TCF4: variants seen among roughly 807,000 people sequenced by gnomAD.
TCF4 encodes SL3-3 enhancer factor 2.
Under a neutral mutation model 82.1 loss-of-function variants are expected in TCF4, and 3 were observed. That is an observed-to-expected ratio of 0.04 (90% CI 0.02 to 0.09). The LOEUF is 0.09. Among genes scored for constraint, TCF4 ranks in the 10% least tolerant of loss-of-function variants. The pLI is 1.00. For missense variants in TCF4, 518 were observed against 852.7 expected, an observed-to-expected ratio of 0.61 and a Z score of 4.89; for synonymous variants, 276 against 309.6, an observed-to-expected ratio of 0.89 and a Z score of 1.14.
intron 6 of TCF4, among the ~76,000 whole-genome samples, chr18:55,376,929 C>A (rs1211016918): frequency 2.0e-5 from 3 of 152,196 alleles, no homozygotes; most frequent in Admixed American, 2.0e-4. Flanking sequence ...AAAATTTCAG[C>A]AGGAACTTGC....
intron 3 of TCF4, chr18:55,551,856 G>A (rs1488577277): frequency 2.6e-5 from 4 of 152,252 alleles, no homozygotes; most frequent in Admixed American, 1.3e-4. Context: ...AAGGAAAAGA[G>A]AGAAAAACAA....
At chr18:55,523,048 T>C (rs1336239313) in intron 3 of TCF4, among the ~76,000 whole-genome samples, 1 of 152,082 alleles carries the variant, frequency 6.6e-6, no homozygotes, top group Non-Finnish European at 1.5e-5. Flanking sequence ...AAAACAGTTA[T>C]GAAAATTTTA....
chr18:55,502,498 G>C (rs1429111367), intron 3 of TCF4, among the ~76,000 whole-genome samples: 2 of 152,072 alleles, frequency 1.3e-5, no homozygotes, highest in Non-Finnish European at 2.9e-5. Flanking sequence ...ATCATCCTTG[G>C]TAACTACATA....
At chr18:55,234,007 G>A (rs960911341) in intron 16 of TCF4, among the ~76,000 whole-genome samples, 9 of 151,824 alleles carry the variant, frequency 5.9e-5, no homozygotes, top group African/African-American at 1.9e-4. Flanking sequence ...TTATCTAAGC[G>A]ACTCCTAGTC....
At chr18:55,316,805 G>C (rs776811414) in intron 8 of TCF4, among the ~76,000 whole-genome samples, 1 of 151,988 alleles carries the variant, frequency 6.6e-6, no homozygotes, top group Non-Finnish European at 1.5e-5. Context: ...CTATGCCAAT[G>C]TCCTTTCTCC....
rs1165700493 is a variant in TCF4 at position 55,567,670 on chromosome 18, G to A, written c.145+17610C>T. On this transcript the variant is annotated intron_variant, in intron 3 of 19. Transcript: ENST00000354452. ...TGAGGTTGCAGTGAGCCGAGATCGC[G>A]CCACTGCACTCCAGCCTGGGAGACA... Among the ~76,000 whole-genome samples, 5 of 151,652 alleles carry A rather than the reference G, an allele frequency of 3.3e-5. No individual in the cohort carries two copies. In the East Asian group the frequency reaches 7.8e-4, roughly 24 times the overall value.
chr18:55,258,593 A>C (rs1412116761), intron 13 of TCF4, among the ~76,000 whole-genome samples: 1 of 152,198 alleles, frequency 6.6e-6, no homozygotes, highest in East Asian at 1.9e-4. Flanking sequence ...TCTCATCTGT[A>C]AAATCAGGGT....
chr18:55,276,501 G>A (rs780284407), intron 9 of TCF4, among the ~76,000 whole-genome samples: 1 of 151,986 alleles, frequency 6.6e-6, no homozygotes, highest in Non-Finnish European at 1.5e-5. Context: ...TTCAACATAA[G>A]GTTAACCTTT....
intron 11 of TCF4, among the ~76,000 whole-genome samples, chr18:55,262,942 G>A (rs181765789): frequency 3.3e-5 from 5 of 152,180 alleles, no homozygotes; most frequent in Admixed American, 3.3e-4. Context: ...GAGTAGCTAG[G>A]ATTACAGGCA....
intron 8 of TCF4, among the ~76,000 whole-genome samples, chr18:55,313,450 C>A (rs1415594653): frequency 6.6e-6 from 1 of 151,998 alleles, no homozygotes; most frequent in East Asian, 1.9e-4. Context: ...CTCAAACTAG[C>A]CACTGGATGG....
At chr18:55,415,160 C>T (rs2094481672) in intron 5 of TCF4, among the ~76,000 whole-genome samples, 1 of 152,026 alleles carries the variant, frequency 6.6e-6, no homozygotes, top group Non-Finnish European at 1.5e-5. Context: ...TATGGTTAAT[C>T]GTGATATACA....
At chr18:55,501,244 T>C (rs2096696425) in intron 3 of TCF4, among the ~76,000 whole-genome samples, 2 of 152,220 alleles carry the variant, frequency 1.3e-5, no homozygotes, top group Non-Finnish European at 2.9e-5. Context: ...GTATTCATTT[T>C]AGCATTTATG....
intron 6 of TCF4, among the ~76,000 whole-genome samples, chr18:55,390,441 C>T (rs1281982872): frequency 6.6e-6 from 1 of 152,016 alleles, no homozygotes; most frequent in Non-Finnish European, 1.5e-5. Flanking sequence ...TAAATATCTA[C>T]TGAACACAGA....
chr18:55,342,836 G>T (rs1021255549), intron 8 of TCF4, among the ~76,000 whole-genome samples: 1 of 152,088 alleles, frequency 6.6e-6, no homozygotes, highest in Admixed American at 6.6e-5. Flanking sequence ...TCCAAACAGG[G>T]TTACTTGAAA....
intron 5 of TCF4, among the ~76,000 whole-genome samples, chr18:55,440,698 C>T (rs1253939459): frequency 6.6e-6 from 1 of 152,142 alleles, no homozygotes; most frequent in Non-Finnish European, 1.5e-5. Context: ...GGGATGTTTT[C>T]TGATATTCTC....
At chr18:55,403,912 C>T (rs1009073577) in intron 5 of TCF4, 2 of 1,417,214 alleles carry the variant, frequency 1.4e-6, no homozygotes, top group Non-Finnish European at 1.8e-6. Flanking sequence ...ATTATATTGA[C>T]ACTTAATAGT....
At chr18:55,389,690 G>A (rs935094866) in intron 6 of TCF4, among the ~76,000 whole-genome samples, 2 of 152,068 alleles carry the variant, frequency 1.3e-5, no homozygotes, top group Non-Finnish European at 2.9e-5. Flanking sequence ...GCAGAAACAG[G>A]GGCCAGGATA....
intron 3 of TCF4, among the ~76,000 whole-genome samples, chr18:55,544,192 C>T (rs2097186660): frequency 6.6e-6 from 1 of 152,122 alleles, no homozygotes. Flanking sequence ...GCTGGATTAG[C>T]CTTGAGTAAG....
In TCF4 at chr18:55,461,065, C is replaced by A; in HGVS notation, c.258G>T (p.Gly86=). The A allele has an allele frequency of 6.2e-7, 1 of 1,613,358 alleles. No individual in the cohort carries two copies. Among genetic ancestry groups the A allele is most frequent in the African/African-American group, 1.3e-5 (1 of 75,008 alleles). ...PYDHMTSRDL[G]SHDNLSPPFV... ...AAGGTGGAGAGAGATTGTCATGTGACCCAAGGTCCCTGCTGGTCATGTGGT... is the reference window on the plus strand; with the variant it reads ...AAGGTGGAGAGAGATTGTCATGTGAACCAAGGTCCCTGCTGGTCATGTGGT... Residue 86 remains glycine (G), a synonymous_variant, in exon 5 of 20, where the codon GGG becomes GGT. Coordinates refer to ENST00000354452, the MANE Select transcript of TCF4 (RefSeq NM_001083962.2).
Sources: allele counts gnomAD v4.1 joint callset (sites outside exome capture counted in the v4.1 genomes callset), GRCh38; gene constraint gnomAD v4.1.1; transcripts MANE v1.5; gene names NCBI Gene and HGNC (gene_info 2026-07-23, HGNC 2026-07-21).